Variants in CTSC observed in about 807,000 individuals in gnomAD.
CTSC encodes dipeptidyl peptidase 1.
Under a neutral mutation model 40.9 loss-of-function variants are expected in CTSC, and 37 were observed. That is an observed-to-expected ratio of 0.91 (90% CI 0.70 to 1.19). The LOEUF (loss-of-function observed/expected upper bound fraction) is 1.19. Among genes scored for constraint, CTSC ranks in the 50% most tolerant of loss-of-function variants. The pLI, the probability that CTSC is intolerant of heterozygous loss-of-function variation, is 0.00. For missense variants in CTSC, 594 were observed against 567.3 expected, an observed-to-expected ratio of 1.05 and a Z score of -0.48; for synonymous variants, 232 against 207.4, an observed-to-expected ratio of 1.12 and a Z score of -1.02.
At chr11:88,311,655 T>A (rs1022909051) in intron 3 of CTSC, among the ~76,000 whole-genome samples, 3 of 152,222 alleles carry the variant, frequency 2.0e-5, no homozygotes, top group Admixed American at 2.0e-4. Flanking sequence ...ACCCCCTGTA[T>A]CACAGCCATA....
In CTSC at chr11:88,300,554, AATTGATACCATGAAC is replaced by A. The variant is rs1369490167; in HGVS notation, c.718_732del (p.Val240_Asn244del). Reference sequence around the variant, plus strand: ...CCTTGGTTTCGAACAGGACTGACAAAATTGATACCATGAACATTTCTCCAGTCCCAAGATGTTGGC... The same window carrying A: ...CCTTGGTTTCGAACAGGACTGACAAAATTTCTCCAGTCCCAAGATGTTGGC... On this transcript the variant is annotated inframe_deletion, in exon 5 of 7. Coordinates refer to ENST00000227266, the MANE Select transcript of CTSC (RefSeq NM_001814.6). The A allele has an allele frequency of 6.2e-7, 1 of 1,612,316 alleles. No homozygotes were observed. The highest frequency in any genetic ancestry group is 8.5e-7 in the Non-Finnish European group (1 of 1,178,420).
intron 2 of CTSC, chr11:88,325,738 T>A (rs1486276535): frequency 1.0e-6 from 1 of 985,260 alleles, no homozygotes; most frequent in African/African-American, 1.7e-5. Flanking sequence ...ACCATCTTTC[T>A]GGCCAGAGGT....
intron 4 of CTSC, among the ~76,000 whole-genome samples, chr11:88,302,809 A>T (rs1026092510): frequency 1.3e-5 from 2 of 152,154 alleles, no homozygotes; most frequent in Non-Finnish European, 2.9e-5. Context: ...TTGGTTGAAG[A>T]TATACATGAT....
Position 88,296,272 on chromosome 11 carries a change from T to G in CTSC, c.758-8A>C. 1 of 1,613,482 alleles carries G rather than the reference T, an allele frequency of 6.2e-7. No homozygotes were observed. Among genetic ancestry groups the G allele is most frequent in the Non-Finnish European group, 8.5e-7 (1 of 1,179,654 alleles). On this transcript the variant is annotated splice_region_variant and splice_polypyrimidine_tract_variant and intron_variant, in intron 5 of 6. Transcript: ENST00000227266. ...AGCAGCTGCCACAGGATGCTGGCGA[T>G]GAAAAAAAGACACATAATCCAAGAG...
At chr11:88,320,034 G>T (rs911126161) in intron 2 of CTSC, among the ~76,000 whole-genome samples, 2 of 151,226 alleles carry the variant, frequency 1.3e-5, no homozygotes, top group African/African-American at 4.9e-5. Flanking sequence ...AAATCCATCA[G>T]AGTGTCACAT....
At chr11:88,325,705 A>G (rs1938162529) in intron 2 of CTSC, 1 of 984,510 alleles carries the variant, frequency 1.0e-6, no homozygotes, top group Non-Finnish European at 1.2e-6. Context: ...AAAAGAAAAG[A>G]AAAAAAATAG....
chr11:88,321,622 T>A (rs1938016305), intron 2 of CTSC: 1 of 152,240 alleles, frequency 6.6e-6, no homozygotes, highest in Non-Finnish European at 1.5e-5. Context: ...TCATTCCTTT[T>A]TATTGCTGCA....
chr11:88,293,928 GA>G lies in CTSC; in HGVS notation c.*77del. Reference sequence around the variant, plus strand: ...TTTGTAAGCTTCTGAGATTGCTGCTGAAAGTCTACAGTCTGTGAATATACCA... The same window carrying G: ...TTTGTAAGCTTCTGAGATTGCTGCTGAAGTCTACAGTCTGTGAATATACCA... On this transcript the variant is annotated 3_prime_UTR_variant, in exon 7 of 7. Coordinates refer to ENST00000227266, the MANE Select transcript of CTSC (RefSeq NM_001814.6). 1 of 1,488,164 alleles carries G rather than the reference GA, an allele frequency of 6.7e-7. No homozygotes were observed. Among genetic ancestry groups the G allele is most frequent in the Non-Finnish European group, 9.3e-7 (1 of 1,073,984 alleles). The allele number at this position is 1,488,164 out of a possible 1,614,324, so 92.2% of individuals were successfully genotyped here.
At chr11:88,323,316 C>A (rs1294182962) in intron 2 of CTSC, 1 of 152,136 alleles carries the variant, frequency 6.6e-6, no homozygotes, top group Non-Finnish European at 1.5e-5. Context: ...TAATATCATA[C>A]TGAATGGGCA....
chr11:88,314,662 C>T (rs553618818), intron 2 of CTSC, among the ~76,000 whole-genome samples: 2 of 152,096 alleles, frequency 1.3e-5, no homozygotes, highest in Admixed American at 6.5e-5. Flanking sequence ...CAAGTAGCTG[C>T]GACTACAGGC....
chr11:88,325,366 GTTC>G (rs986696029), intron 2 of CTSC: 52 of 985,276 alleles, frequency 5.3e-5, no homozygotes, highest in Middle Eastern at 5.2e-4. Flanking sequence ...CTTCAAGGCA[GTTC>G]TTCTCTTAAA....
intron 4 of CTSC, among the ~76,000 whole-genome samples, chr11:88,304,861 G>A (rs1937617556): frequency 6.6e-6 from 1 of 152,152 alleles, no homozygotes; most frequent in African/African-American, 2.4e-5. Context: ...ACTTTGGGAG[G>A]CCAAGGTAGG....
Position 88,294,163 on chromosome 11 carries a change from T to C in CTSC, c.1235A>G (p.Tyr412Cys), listed in dbSNP as rs28937571. ...CATCCCAGAGGCTGAGTCAGTGCCA[T>C]AGCCCACAAGCAGAACAGCATGATT... ...LTNHAVLLVG[Y>C]GTDSASGMDY... The change falls in exon 7 of 7, where the codon TAT becomes TGT. Residue 412 changes from tyrosine (Y) to cysteine (C), a missense_variant. By Grantham distance (194) the Tyr-to-Cys change is radical. Transcript: ENST00000227266. 4 of 1,613,850 alleles carry C rather than the reference T, an allele frequency of 2.5e-6. No individual in the cohort carries two copies. Among genetic ancestry groups the C allele is most frequent in the Non-Finnish European group, 3.4e-6 (4 of 1,179,990 alleles).
intron 4 of CTSC, among the ~76,000 whole-genome samples, chr11:88,308,122 G>C (rs998870953): frequency 6.6e-6 from 1 of 152,190 alleles, no homozygotes; most frequent in Non-Finnish European, 1.5e-5. Context: ...AACTATGAGA[G>C]TGAAAGAGAG....
At position 88,294,328 on chromosome 11, in the gene CTSC, T is replaced by A. The variant is rs1396588308; in HGVS notation, c.1070A>T (p.Glu357Val). ...YVGGFYGGCNEALMKLELVHH... is the reference protein window; with the variant it reads ...YVGGFYGGCNVALMKLELVHH... The stretch of plus-strand genomic sequence containing the variant: ...GACCAACTCAAGCTTCATCAGGGCT[T>A]CATTGCAGCCTCCATAGAAACCTCC... The change falls in exon 7 of 7, where the codon GAA becomes GTA. Residue 357 changes from glutamate to valine, a missense_variant. By Grantham distance (121) the Glu-to-Val change is moderately radical. Transcript: ENST00000227266. 6.2e-7 allele frequency: 1 copy of A among 1,614,166 alleles called. No homozygotes were observed. Among genetic ancestry groups the A allele is most frequent in the African/African-American group, 1.3e-5 (1 of 75,048 alleles).
intron 5 of CTSC, among the ~76,000 whole-genome samples, chr11:88,299,998 G>A (rs1944340807): frequency 6.6e-6 from 1 of 152,186 alleles, no homozygotes; most frequent in African/African-American, 2.4e-5. Context: ...TCAGGAAGCT[G>A]GGTTAATACT....
intron 2 of CTSC, chr11:88,323,774 G>A (rs217058): frequency 0.86 from 130,296 of 152,196 alleles, 55,928 homozygotes; most frequent in East Asian, 1. Context: ...GGACACAAAC[G>A]AAGGGAAAAA....
At chr11:88,319,448 C>T (rs1169797446) in intron 2 of CTSC, among the ~76,000 whole-genome samples, 1 of 151,998 alleles carries the variant, frequency 6.6e-6, no homozygotes, top group Admixed American at 6.6e-5. Flanking sequence ...ATACTTTTAA[C>T]AAAAATGTGT....
intron 2 of CTSC, among the ~76,000 whole-genome samples, chr11:88,331,636 C>T (rs1441567772): frequency 6.6e-6 from 1 of 152,000 alleles, no homozygotes; most frequent in Admixed American, 6.6e-5. Context: ...TTTTATGGAG[C>T]GTTCATTGAA....
Sources: allele counts gnomAD v4.1 joint callset (sites outside exome capture counted in the v4.1 genomes callset), GRCh38; gene constraint gnomAD v4.1.1; transcripts MANE v1.5; gene names NCBI Gene and HGNC (gene_info 2026-07-23, HGNC 2026-07-21).